PEX26: variants seen among roughly 807,000 people sequenced by gnomAD.
The protein encoded by PEX26 is peroxisome assembly protein 26.
In PEX26, 18 loss-of-function variants were observed where a neutral mutation model predicts 31.4. The observed-to-expected ratio is 0.57, with a 90% CI of 0.40 to 0.85. The LOEUF is 0.85. Ranked by LOEUF, PEX26 falls within the 40% of genes least tolerant of loss-of-function variation. PEX26 has a pLI of 0.00. For synonymous variants in PEX26, 176 were observed against 166.9 expected, an observed-to-expected ratio of 1.05 and a Z score of -0.42; for missense variants, 377 against 383.9, an observed-to-expected ratio of 0.98 and a Z score of 0.15.
intron 3 of PEX26, among the ~76,000 whole-genome samples, chr22:18,084,237 CTTTTTTTTT>C (rs362041): frequency 6.3e-5 from 6 of 95,328 alleles, no homozygotes; most frequent in African/African-American, 1.6e-4. Context: ...ATCTCTCTCT[CTTTTTTTTT>C]TTTTTTTTTT....
chr22:18,083,869 C>T, intron 3 of PEX26, 137 bp downstream of exon 3: 2 of 816,276 alleles, frequency 2.5e-6, no homozygotes, highest in Middle Eastern at 3.5e-4. Context: ...GAATAGGAGG[C>T]CTGTTGATTT....
rs182144643 is a variant in PEX26 at position 18,099,569 on chromosome 22, A to G, written c.*11494A>G. The stretch of plus-strand genomic sequence containing the variant: ...TCTTTTTCATTTAATATTATTACCT[A>G]TTCAGCTTCCAACATTATCACTTCC... On this transcript the variant is annotated 3_prime_UTR_variant, in exon 5 of 5. Transcript: ENST00000399744. The G allele has an allele frequency of 7.2e-5, 11 of 152,298 alleles. No homozygotes were observed. The East Asian group carries it at 1.7e-3, about 24-fold the overall frequency. The allele number at this position is 152,298 out of a possible 1,614,324, so 9.4% of individuals were successfully genotyped here.
At position 18,097,212 on chromosome 22, in the gene PEX26, C is replaced by T. The variant is rs141517463; in HGVS notation, c.*9137C>T. ...AGCCAAACCATATCACCTCCCATCT[C>T]TTCATTTAGCAAGTTCACCTACCCC... On this transcript the variant is annotated 3_prime_UTR_variant, in exon 5 of 5. Transcript: ENST00000399744. 53 of 151,968 alleles carry T rather than the reference C, an allele frequency of 3.5e-4. 1 individual carries two copies. The highest frequency in any genetic ancestry group is 1.2e-3 in the African/African-American group (49 of 41,434). The allele number at this position is 151,968 out of a possible 1,614,324, so 9.4% of individuals were successfully genotyped here. A position where few individuals can be genotyped will look rare whatever the true frequency, so the allele number is the denominator to read the frequency against.
In PEX26 at chr22:18,088,178, GC is replaced by G; in HGVS notation, c.*105del. ...AGGCGCCCCTGGGGAAATGGGACCA[GC>G]CTAATCTCGCGGAGTGCACTGTGTC... On this transcript the variant is annotated 3_prime_UTR_variant, in exon 5 of 5. Coordinates refer to ENST00000399744, the MANE Select transcript of PEX26 (RefSeq NM_001127649.3). This position sits in a 1 kb window ranked among gnomAD's most constrained non-coding sequence, Gnocchi z 4.1. The G allele has an allele frequency of 3.6e-6, 3 of 830,194 alleles. No homozygotes were observed. Among genetic ancestry groups the G allele is most frequent in the Non-Finnish European group, 6.3e-6 (3 of 476,556 alleles). The allele number at this position is 830,194 out of a possible 1,614,324, so 51.4% of individuals were successfully genotyped here.
In PEX26 at chr22:18,088,034, G is replaced by T. The variant is rs1045236480; in HGVS notation, c.877G>T (p.Ala293Ser). The change falls in exon 5 of 5, where the codon GCT becomes TCT. Residue 293 changes from alanine to serine, a missense_variant. Physicochemically the swap from Ala to Ser is moderately conservative, Grantham distance 99. Coordinates refer to ENST00000399744, the MANE Select transcript of PEX26 (RefSeq NM_001127649.3). This position sits in a 1 kb window ranked among gnomAD's most constrained non-coding sequence, Gnocchi z 4.1. ...LAQLFRWIRKAAFSRLYQLRI... is the reference protein window; with the variant it reads ...LAQLFRWIRKSAFSRLYQLRI... ...CCAGCTCTTCCGCTGGATCCGGAAG[G>T]CTGCATTTTCTCGCCTCTACCAGCT... 2 of 1,613,542 alleles carry T rather than the reference G, an allele frequency of 1.2e-6. No homozygotes were observed. Among genetic ancestry groups the T allele is most frequent in the Admixed American group, 1.7e-5 (1 of 60,016 alleles).
At chr22:18,078,657 G>T (rs1259080517) in intron 1 of PEX26, 51 bp downstream of exon 1, 1 of 1,495,494 alleles carries the variant, frequency 6.7e-7, no homozygotes, top group East Asian at 2.4e-5. Context: ...CTTGTGGTGG[G>T]GCTCAAGGTC....
chr22:18,087,715 G>A (rs1429230719), intron 4 of PEX26, among the ~76,000 whole-genome samples: 1 of 152,220 alleles, frequency 6.6e-6, no homozygotes, highest in East Asian at 1.9e-4. Context: ...CCGACTCATT[G>A]GAGTGATGAT....
intron 1 of PEX26, chr22:18,079,014 C>G: frequency 2.7e-6 from 1 of 371,714 alleles, no homozygotes; most frequent in East Asian, 7.1e-5. Flanking sequence ...GAGCAGCGTT[C>G]TGGTCCAATT....
Position 18,085,092 on chromosome 22 carries a change from T to TGCTCTGTCTCCCTGGCCAG in PEX26, c.668-7_679dup. ...GATTCCCATGACATCCCTGAAGCTGTGCTCTGTCTCCCTGGCCAGGCTCTG... is the reference window on the plus strand; with the variant it reads ...GATTCCCATGACATCCCTGAAGCTGTGCTCTGTCTCCCTGGCCAGGCTCTGTCTCCCTGGCCAGGCTCTG... On this transcript the variant is annotated intron_variant, in intron 3 of 4. Coordinates refer to ENST00000399744, the MANE Select transcript of PEX26 (RefSeq NM_001127649.3). 6.2e-7 allele frequency: 1 copy of TGCTCTGTCTCCCTGGCCAG among 1,613,768 alleles called. No homozygotes were observed. The highest frequency in any genetic ancestry group is 8.5e-7 in the Non-Finnish European group (1 of 1,179,872).
intron 4 of PEX26, among the ~76,000 whole-genome samples, chr22:18,085,727 C>G (rs1315193225): frequency 1.3e-5 from 2 of 152,016 alleles, no homozygotes; most frequent in African/African-American, 2.4e-5. Context: ...AAAAAATTAG[C>G]CAGGTGTAGT....
rs781449474 is a variant in PEX26, at chr22:18,078,427, A to G, written c.51A>G (p.Gly17=). The change falls in exon 1 of 5, where the codon GGA becomes GGG. Residue 17 remains glycine, a synonymous_variant. Transcript: ENST00000399744. ...CAGCCCCCCTCAGGGGGCTCGGGGG[A>G]CCCCTGCGCAGCAGCGAGCCGGTGC... is the stretch of plus-strand genomic sequence containing the variant. The part of the protein sequence containing the change: ...TSAAPLRGLG[G]PLRSSEPVRA... 5 of 1,573,778 alleles carry G rather than the reference A, an allele frequency of 3.2e-6. No individual in the cohort carries two copies. Among genetic ancestry groups the G allele is most frequent in the Non-Finnish European group, 4.3e-6 (5 of 1,165,604 alleles).
At position 18,078,182 on chromosome 22, in the gene PEX26, C is replaced by T. The variant is rs368026843; in HGVS notation, c.-195C>T. 260 of 700,206 alleles carry T rather than the reference C, an allele frequency of 3.7e-4. No individual in the cohort carries two copies. The highest frequency in any genetic ancestry group is 3.4e-3 in the African/African-American group (197 of 57,266). 43.4% of individuals were successfully genotyped at this position (700,206 alleles called of 1,614,324 possible). On this transcript the variant is annotated 5_prime_UTR_variant, in exon 1 of 5. Transcript: ENST00000399744. ...TCTGACGTGTAAACTGCTTCCCCAG[C>T]CTCCAGGCGAGCCCAGCTTTTGCCT...
chr22:18,083,145 C>G (rs925744620), intron 2 of PEX26, among the ~76,000 whole-genome samples: 1 of 152,090 alleles, frequency 6.6e-6, no homozygotes, highest in Non-Finnish European at 1.5e-5. Context: ...TTCTGTTGCC[C>G]GATTGCTCTG....
At position 18,083,729 on chromosome 22, in the gene PEX26, G is replaced by C; in HGVS notation, c.664G>C (p.Glu222Gln). 1 of 1,613,842 alleles carries C rather than the reference G, an allele frequency of 6.2e-7. No individual in the cohort carries two copies. Among genetic ancestry groups the C allele is most frequent in the South Asian group, 1.1e-5 (1 of 91,064 alleles). Residue 222 changes from glutamate to glutamine, a missense_variant, in exon 3 of 5, where the codon GAA becomes CAA. Glu to Gln is a conservative substitution (Grantham distance 29). Coordinates refer to ENST00000399744, the MANE Select transcript of PEX26 (RefSeq NM_001127649.3). ...TGAGGAGGCCCAGAAGCCAAACCTG[G>C]AAGGTAGGACATTATCCCTCTGCGA... ...GSEEAQKPNL[E>Q]GSVSHKFLSL...
intron 4 of PEX26, among the ~76,000 whole-genome samples, chr22:18,087,469 C>G (rs1926887880): frequency 6.6e-6 from 1 of 152,232 alleles, no homozygotes; most frequent in Non-Finnish European, 1.5e-5. Flanking sequence ...GTTTGCTTTA[C>G]AAAGAAGTCA....
Position 18,103,961 on chromosome 22 carries a change from A to G in PEX26, c.*15886A>G, listed in dbSNP as rs1927537084. On this transcript the variant is annotated 3_prime_UTR_variant, in exon 5 of 5. Transcript: ENST00000399744. ...TTGAAAGTGGATCTACAACATTGATAGAGATCAGTTTTTCTGCTCTTCCAA... is the reference window on the plus strand; with the variant it reads ...TTGAAAGTGGATCTACAACATTGATGGAGATCAGTTTTTCTGCTCTTCCAA... The G allele has an allele frequency of 6.6e-6, 1 of 152,228 alleles. No individual in the cohort carries two copies. Among genetic ancestry groups the G allele is most frequent in the Admixed American group, 6.6e-5 (1 of 15,254 alleles). 9.4% of individuals were successfully genotyped at this position (152,228 alleles called of 1,614,324 possible).
chr22:18,102,131 G>A lies in PEX26; in HGVS notation c.*14056G>A, dbSNP rs1257492576. 6.6e-6 allele frequency: 1 copy of A among 152,238 alleles called. No homozygotes were observed. Among genetic ancestry groups the A allele is most frequent in the African/African-American group, 2.4e-5 (1 of 41,420 alleles). 9.4% of individuals were successfully genotyped at this position (152,238 alleles called of 1,614,324 possible). On this transcript the variant is annotated 3_prime_UTR_variant, in exon 5 of 5. Coordinates refer to ENST00000399744, the MANE Select transcript of PEX26 (RefSeq NM_001127649.3). ...GGGACAAAGAGGACTCATGATAGTG[G>A]GTTATTCCACACTGTTGACACACTG...
chr22:18,080,625 T>A (rs1467875724), intron 2 of PEX26, among the ~76,000 whole-genome samples: 1 of 152,196 alleles, frequency 6.6e-6, no homozygotes, highest in Non-Finnish European at 1.5e-5. Flanking sequence ...CCATCGCCCC[T>A]GGCCAAAAAA....
At position 18,095,830 on chromosome 22, in the gene PEX26, C is replaced by T. The variant is rs1384834277; in HGVS notation, c.*7755C>T. 1 of 148,438 alleles carries T rather than the reference C, an allele frequency of 6.7e-6. No individual in the cohort carries two copies. Among genetic ancestry groups the T allele is most frequent in the Non-Finnish European group, 1.5e-5 (1 of 67,034 alleles). 9.2% of individuals were successfully genotyped at this position (148,438 alleles called of 1,614,324 possible). A position where few individuals can be genotyped will look rare whatever the true frequency, so the allele number is the denominator to read the frequency against. ...AGACCCATAATGCCCAAGTTTGTAT[C>T]TTTTTTTTTTGAGACAGAGTCTCAC... On this transcript the variant is annotated 3_prime_UTR_variant, in exon 5 of 5. Transcript: ENST00000399744.
Sources: gnomAD v4.1 joint callset for allele counts (sites outside exome capture counted in the v4.1 genomes callset) on GRCh38, gnomAD v4.1.1 for gene constraint, Gnocchi (gnomAD v3.1) non-coding constraint, MANE v1.5 for transcripts, NCBI Gene and HGNC (gene_info 2026-07-23, HGNC 2026-07-21) for gene names.